NELL1: variants seen among roughly 807,000 people sequenced by gnomAD.
NELL1 encodes the protein neural EGFL like 1.
Under a neutral mutation model 107.4 loss-of-function variants are expected in NELL1, and 76 were observed. The observed-to-expected ratio is 0.71, with a 90% confidence interval of 0.59 to 0.86. NELL1 has a LOEUF of 0.86. NELL1 is among the 40% of genes least tolerant of loss of function. The pLI, the probability that NELL1 is intolerant of heterozygous loss-of-function variation, is 0.00. For synonymous variants in NELL1, 353 were observed against 341.2 expected (o/e 1.03, Z -0.38); for missense variants, 1,024 against 1,005.5 (o/e 1.02, Z -0.25).
chr11:20,763,347 C>T (rs558736504), intron 2 of NELL1, among the ~76,000 whole-genome samples: 4 of 152,134 alleles, frequency 2.6e-5, no homozygotes, highest in East Asian at 1.9e-4. Flanking sequence ...AAAGTGAGAG[C>T]GACATTTTCA....
chr11:21,112,163 G>A (rs1325191172), intron 12 of NELL1, among the ~76,000 whole-genome samples: 2 of 151,910 alleles, frequency 1.3e-5, no homozygotes, highest in Non-Finnish European at 2.9e-5. Flanking sequence ...CTGGTGTTTT[G>A]TTCTTATTTC....
intron 14 of NELL1, among the ~76,000 whole-genome samples, chr11:21,327,162 G>GGTTTTTTTTTTT (rs1565169810): frequency 1.0e-5 from 1 of 96,944 alleles, no homozygotes; most frequent in Non-Finnish European, 2.0e-5. Context: ...GAGATCTGAT[G>GGTTTTTTTTTTT]TTTTTTTTTT....
At chr11:21,445,140 A>C (rs1312160970) in intron 15 of NELL1, among the ~76,000 whole-genome samples, 3 of 152,022 alleles carry the variant, frequency 2.0e-5, no homozygotes, top group African/African-American at 7.2e-5. Context: ...TTCTACAAAA[A>C]CTGTTCTAGT....
intron 12 of NELL1, among the ~76,000 whole-genome samples, chr11:20,960,954 A>G (rs555666395): frequency 1.4e-3 from 217 of 152,352 alleles, no homozygotes; most frequent in Admixed American, 2.6e-3. Flanking sequence ...ATACTTTGAC[A>G]TTAACTCATA....
At chr11:21,309,312 AATATAT>A (rs1296722986) in intron 14 of NELL1, among the ~76,000 whole-genome samples, 1 of 130,002 alleles carries the variant, frequency 7.7e-6, no homozygotes, top group Non-Finnish European at 1.6e-5. Context: ...ATATATATAT[AATATAT>A]ATATATATTT....
chr11:20,840,033 ATCAAAG>A (rs1308132196), intron 3 of NELL1, among the ~76,000 whole-genome samples: 1 of 152,236 alleles, frequency 6.6e-6, no homozygotes. Context: ...TGAGAAAGGT[ATCAAAG>A]TAGTCCTAAG....
intron 4 of NELL1, among the ~76,000 whole-genome samples, chr11:20,871,813 A>G: frequency 6.6e-6 from 1 of 151,644 alleles, no homozygotes; most frequent in Non-Finnish European, 1.5e-5. Flanking sequence ...AGGTCAGGAG[A>G]TCAAAACCAT....
chr11:21,096,090 G>A (rs1013769433), intron 12 of NELL1, among the ~76,000 whole-genome samples: 1 of 152,184 alleles, frequency 6.6e-6, no homozygotes, highest in Non-Finnish European at 1.5e-5. Context: ...AATTGAGGAT[G>A]CAAGTTGGGT....
chr11:21,389,780 A>G (rs1851827442), intron 15 of NELL1, among the ~76,000 whole-genome samples: 1 of 151,792 alleles, frequency 6.6e-6, no homozygotes, highest in Non-Finnish European at 1.5e-5. Flanking sequence ...GTGGAATAGT[A>G]TTTTATTTTG....
chr11:21,086,712 T>TAAAACTCAGTGTGACTTTCAGATAAAGA (rs1854399444), intron 12 of NELL1, among the ~76,000 whole-genome samples: 2 of 151,564 alleles, frequency 1.3e-5, no homozygotes, highest in South Asian at 4.1e-4. Flanking sequence ...TAACTGAAGA[T>TAAAACTCAGTGTGACTTTCAGATAAAGA]AAAACTCAGT....
At chr11:20,948,666 T>C (rs1851010829) in intron 11 of NELL1, among the ~76,000 whole-genome samples, 1 of 151,030 alleles carries the variant, frequency 6.6e-6, no homozygotes, top group East Asian at 2.0e-4. Context: ...AATTGATTCC[T>C]ATGTCTTAAA....
chr11:21,165,697 T>C (rs1283024611), intron 13 of NELL1, among the ~76,000 whole-genome samples: 1 of 148,060 alleles, frequency 6.8e-6, no homozygotes, highest in Non-Finnish European at 1.5e-5. Flanking sequence ...AACAAATGGA[T>C]AAAGAAAATG....
chr11:20,810,047 G>A (rs542673285), intron 3 of NELL1, among the ~76,000 whole-genome samples: 1 of 151,630 alleles, frequency 6.6e-6, no homozygotes, highest in South Asian at 2.1e-4. Context: ...TTTTTTGAGA[G>A]TATCCATTGT....
intron 15 of NELL1, among the ~76,000 whole-genome samples, chr11:21,532,150 A>G (rs1856004974): frequency 6.6e-6 from 1 of 152,184 alleles, no homozygotes; most frequent in Non-Finnish European, 1.5e-5. Flanking sequence ...TACAGTTGTC[A>G]GGCAAAATGG....
At chr11:21,501,595 A>G (rs1855143890) in intron 15 of NELL1, among the ~76,000 whole-genome samples, 1 of 152,230 alleles carries the variant, frequency 6.6e-6, no homozygotes, top group African/African-American at 2.4e-5. Context: ...ACTGTGGGCA[A>G]TAATATGTGC....
chr11:21,392,173 C>A (rs1435105216), intron 15 of NELL1, among the ~76,000 whole-genome samples: 1 of 151,818 alleles, frequency 6.6e-6, no homozygotes, highest in Non-Finnish European at 1.5e-5. Context: ...TCTGCTGAGA[C>A]TAAATCTCTA....
chr11:20,968,456 A>G (rs1851429038), intron 12 of NELL1, among the ~76,000 whole-genome samples: 1 of 152,148 alleles, frequency 6.6e-6, no homozygotes, highest in Non-Finnish European at 1.5e-5. Flanking sequence ...GCTGCTTTTT[A>G]AAGTGCAGAG....
intron 12 of NELL1, among the ~76,000 whole-genome samples, chr11:20,994,040 T>C (rs931016461): frequency 3.9e-5 from 6 of 152,232 alleles, no homozygotes; most frequent in African/African-American, 1.4e-4. Context: ...ATGTAATCCC[T>C]ATCTAGCTTA....
chr11:20,682,421 T>C (rs1014451421), intron 2 of NELL1, among the ~76,000 whole-genome samples: 3 of 152,004 alleles, frequency 2.0e-5, no homozygotes, highest in Admixed American at 2.0e-4. Context: ...TCAAAATTAA[T>C]TGGTATTTTA....
Sources: allele counts gnomAD v4.1 joint callset (sites outside exome capture counted in the v4.1 genomes callset), GRCh38; gene constraint gnomAD v4.1.1; transcripts MANE v1.5; gene names NCBI Gene and HGNC (gene_info 2026-07-23, HGNC 2026-07-21).